STK32B: variants seen among roughly 807,000 people sequenced by gnomAD.
STK32B encodes the protein serine/threonine kinase 32B, also known as serine/threonine-protein kinase 32B.
Under a neutral mutation model 52.6 loss-of-function variants are expected in STK32B, and 43 were observed. The observed-to-expected ratio is 0.82, with a 90% confidence interval of 0.64 to 1.05. STK32B has a LOEUF of 1.05. STK32B is among the 50% of genes least tolerant of loss of function. STK32B has a pLI of 0.00. For synonymous variants in STK32B, 238 were observed against 204.3 expected (o/e 1.17, Z -1.41); for missense variants, 621 against 534.6 (o/e 1.16, Z -1.59).
the STK32B span, among the ~76,000 whole-genome samples, chr4:5,044,479 A>ACCCTCAGCCTCC: frequency 1.3e-5 from 2 of 151,926 alleles, no homozygotes; most frequent in African/African-American, 4.8e-5. Flanking sequence ...ATCCAGCCCC[A>ACCCTCAGCCTCC]CCCTCAGCCT....
intron 4 of STK32B, among the ~76,000 whole-genome samples, chr4:5,346,767 A>G (rs1169239984): frequency 6.6e-6 from 1 of 150,906 alleles, no homozygotes; most frequent in Non-Finnish European, 1.5e-5. Context: ...CAGTCACTGT[A>G]TTAGTCCATT....
At chr4:5,362,141 T>G (rs1734584980) in intron 4 of STK32B, among the ~76,000 whole-genome samples, 1 of 152,132 alleles carries the variant, frequency 6.6e-6, no homozygotes, top group African/African-American at 2.4e-5. Context: ...CAATAAAAAT[T>G]GTATGTTGGG....
intron 3 of STK32B, among the ~76,000 whole-genome samples, chr4:5,175,406 GCT>G (rs1162425742): frequency 2.0e-5 from 3 of 152,102 alleles, no homozygotes; most frequent in Non-Finnish European, 2.9e-5. Context: ...CAGTTTTTCT[GCT>G]CTGTTTTTTC....
the STK32B span, among the ~76,000 whole-genome samples, chr4:5,038,665 C>A: frequency 5.3e-5 from 8 of 152,110 alleles, no homozygotes; most frequent in African/African-American, 1.9e-4. Flanking sequence ...ATAAAATAAA[C>A]AATAATAAAC....
At chr4:5,268,669 A>C (rs1048509272) in intron 3 of STK32B, among the ~76,000 whole-genome samples, 12 of 151,838 alleles carry the variant, frequency 7.9e-5, no homozygotes, top group African/African-American at 2.9e-4. Context: ...ATCTCCAAGG[A>C]TGCAGGGACC....
chr4:5,416,925 C>G lies in STK32B; in HGVS notation c.553C>G (p.Pro185Ala), dbSNP rs1291786613. The G allele has an allele frequency of 6.2e-7, 1 of 1,612,780 alleles. No individual in the cohort carries two copies. Among genetic ancestry groups the G allele is most frequent in the Non-Finnish European group, 8.5e-7 (1 of 1,179,384 alleles). The change falls in exon 6 of 12, where the codon CCC becomes GCC. Residue 185 changes from proline to alanine, a missense_variant. Physicochemically the swap from Pro to Ala is conservative, Grantham distance 27 (BLOSUM62 -1). Coordinates refer to ENST00000282908, the MANE Select transcript of STK32B (RefSeq NM_018401.3). ...GGCTTCCTCCATGGCTGGCACCAAG[C>G]CCTACATGGGTGAGTGTTCCAGGCC... Reference protein sequence around the residue: ...ERASSMAGTKPYMAPEVFQVY... With the variant: ...ERASSMAGTKAYMAPEVFQVY...
chr4:5,022,808 A>G, the STK32B span, among the ~76,000 whole-genome samples: 1 of 152,104 alleles, frequency 6.6e-6, no homozygotes, highest in South Asian at 2.1e-4. Context: ...AGATGGGTGA[A>G]AAGACAGTGA....
In STK32B at chr4:5,398,183, C is replaced by T. The variant is rs1174801227; in HGVS notation, c.435-24C>T. 1 of 1,613,502 alleles carries T rather than the reference C, an allele frequency of 6.2e-7. No individual in the cohort carries two copies. Among genetic ancestry groups the T allele is most frequent in the Non-Finnish European group, 8.5e-7 (1 of 1,179,876 alleles). On this transcript the variant is annotated intron_variant, in intron 4 of 11. Transcript: ENST00000282908. This position sits in a 1 kb window ranked among gnomAD's most constrained non-coding sequence, Gnocchi z 4.9. ...TCTGTGGGCTCAGGAACCACATTGC[C>T]AGCTTCTTTGTTTTCTTTTACAGAG...
chr4:5,047,776 G>A (rs1741646973), upstream of STK32B, among the ~76,000 whole-genome samples: 1 of 152,202 alleles, frequency 6.6e-6, no homozygotes, highest in East Asian at 1.9e-4. Context: ...AGATGTGGGG[G>A]TTGAACAGTG....
Position 5,186,094 on chromosome 4 carries a change from G to GTA in STK32B, c.260+17645_260+17646dup, listed in dbSNP as rs142731795. Among the ~76,000 whole-genome samples, 1,518 of 152,278 alleles carry GTA rather than the reference G, an allele frequency of 1.0e-2. 22 individuals carry two copies. The highest frequency in any genetic ancestry group is 0.034 in the African/African-American group (1,406 of 41,550). On this transcript the variant is annotated intron_variant, in intron 3 of 11. Transcript: ENST00000282908. ...TCGCTATTCACTGGGCTCTTATTGG[G>GTA]TACCAGGCACTGTTCCAATTTCTAA...
At chr4:5,458,725 G>T (rs1658402685) in intron 8 of STK32B, 1 of 152,568 alleles carries the variant, frequency 6.6e-6, no homozygotes, top group Admixed American at 6.5e-5. Flanking sequence ...CTCTATTGGG[G>T]ATGGTCATCC....
chr4:5,193,385 G>A (rs528140149), intron 3 of STK32B, among the ~76,000 whole-genome samples: 3 of 152,306 alleles, frequency 2.0e-5, no homozygotes, highest in Admixed American at 2.0e-4. Context: ...ACACACTGAG[G>A]CCCAGAAAGG....
At chr4:5,361,114 A>G (rs75457103) in intron 4 of STK32B, among the ~76,000 whole-genome samples, 1,588 of 152,268 alleles carry the variant, frequency 0.01, 26 homozygotes, top group East Asian at 0.076. Context: ...ACTTAACATA[A>G]TATCTGCAAG....
chr4:5,403,737 C>T (rs908125076), intron 5 of STK32B, among the ~76,000 whole-genome samples: 3 of 152,128 alleles, frequency 2.0e-5, no homozygotes, highest in Admixed American at 1.3e-4. Flanking sequence ...GTATGTGCTA[C>T]CCCCAGCATG....
chr4:5,337,822 A>G (rs1732808400), intron 4 of STK32B, among the ~76,000 whole-genome samples: 1 of 152,192 alleles, frequency 6.6e-6, no homozygotes, highest in Non-Finnish European at 1.5e-5. Flanking sequence ...TCTGTATATA[A>G]TACCTAATCC....
At chr4:5,085,897 A>G (rs1275804041) in intron 1 of STK32B, among the ~76,000 whole-genome samples, 5 of 152,134 alleles carry the variant, frequency 3.3e-5, no homozygotes, top group South Asian at 4.1e-4. Flanking sequence ...CCTTTTTCAT[A>G]CAGAATTATA....
At chr4:5,334,288 T>G (rs1732477924) in intron 4 of STK32B, among the ~76,000 whole-genome samples, 1 of 152,070 alleles carries the variant, frequency 6.6e-6, no homozygotes, top group Non-Finnish European at 1.5e-5. Context: ...TGTCTGTTAT[T>G]GGTGTATAAG....
chr4:5,339,920 G>C (rs979036406), intron 4 of STK32B, among the ~76,000 whole-genome samples: 1 of 152,122 alleles, frequency 6.6e-6, no homozygotes, highest in Non-Finnish European at 1.5e-5. Flanking sequence ...CTGATGTTCA[G>C]TGTTTCCTAT....
chr4:5,177,799 A>C (rs1441410146), intron 3 of STK32B, among the ~76,000 whole-genome samples: 1 of 152,204 alleles, frequency 6.6e-6, no homozygotes, highest in Non-Finnish European at 1.5e-5. Flanking sequence ...TAAGTTCCAA[A>C]ATGATCTCCT....
Sources: allele counts gnomAD v4.1 joint callset (sites outside exome capture counted in the v4.1 genomes callset), GRCh38; gene constraint gnomAD v4.1.1; non-coding constraint Gnocchi (gnomAD v3.1); transcripts MANE v1.5; gene names NCBI Gene and HGNC (gene_info 2026-07-23, HGNC 2026-07-21).